MRPS9: variants seen among roughly 807,000 people sequenced by gnomAD.
MRPS9 encodes the protein small ribosomal subunit protein uS9m.
Under a neutral mutation model 59.9 loss-of-function variants are expected in MRPS9, and 45 were observed. The observed-to-expected ratio is 0.75, with a 90% CI of 0.59 to 0.96. The LOEUF (loss-of-function observed/expected upper bound fraction) is 0.96, where lower values mean the gene tolerates loss of function less well. MRPS9 is among the 40% of genes least tolerant of loss of function. The pLI is 0.00. For synonymous variants in MRPS9, 171 were observed against 166.8 expected, an observed-to-expected ratio of 1.03 and a Z score of -0.19; for missense variants, 473 against 481.1, an observed-to-expected ratio of 0.98 and a Z score of 0.16.
At chr2:105,038,351 G>C in intron 1 of MRPS9, 124 bp downstream of exon 1, 1 of 1,307,804 alleles carries the variant, frequency 7.6e-7, no homozygotes, top group East Asian at 2.5e-5. Context: ...TAGGTATTTA[G>C]TGGAGGTCTG....
At chr2:105,062,827 G>T (rs1462486716) in intron 2 of MRPS9, among the ~76,000 whole-genome samples, 1 of 152,206 alleles carries the variant, frequency 6.6e-6, no homozygotes, top group Non-Finnish European at 1.5e-5. Flanking sequence ...GAACAGCACA[G>T]ATTATATAGA....
intron 2 of MRPS9, among the ~76,000 whole-genome samples, chr2:105,070,604 A>G (rs1680094786): frequency 6.6e-6 from 1 of 152,188 alleles, no homozygotes; most frequent in African/African-American, 2.4e-5. Context: ...AAGACACTAT[A>G]AAAGGCTTAA....
chr2:105,052,013 G>A (rs1003329908), intron 2 of MRPS9, among the ~76,000 whole-genome samples: 9 of 152,020 alleles, frequency 5.9e-5, no homozygotes, highest in Non-Finnish European at 1.2e-4. Flanking sequence ...ATATATTTAC[G>A]AATCCCAAAG....
At chr2:105,046,526 C>T (rs1679599063) in intron 1 of MRPS9, among the ~76,000 whole-genome samples, 1 of 152,016 alleles carries the variant, frequency 6.6e-6, no homozygotes, top group Non-Finnish European at 1.5e-5. Context: ...ACAAAGCCAC[C>T]TGCCTCCTGG....
chr2:105,093,297 A>G (rs1465018205), intron 8 of MRPS9, among the ~76,000 whole-genome samples: 1 of 152,202 alleles, frequency 6.6e-6, no homozygotes, highest in African/African-American at 2.4e-5. Flanking sequence ...AAATCATTGT[A>G]GTGTTTCTAA....
intron 5 of MRPS9, 109 bp from the exon 6 acceptor site, chr2:105,088,875 G>T: frequency 1.7e-6 from 1 of 580,034 alleles, no homozygotes. Context: ...CTCTGAGGAG[G>T]AGGACACCTT....
Position 105,071,484 on chromosome 2 carries a change from A to G in MRPS9, c.404A>G (p.Gln135Arg). ...MKHPEQIFPR[Q>R]RAIQWGEDGR... is the part of the protein sequence containing the mutation. The stretch of plus-strand genomic sequence containing the variant: ...CATCCTGAACAGATTTTTCCAAGAC[A>G]AAGAGGTAAGTTTGTTCAAGAATGA... The change falls in exon 4 of 11, where the codon CAA (glutamine) becomes CGA (arginine). Residue 135 changes from glutamine (Q) to arginine (R), a missense_variant. Coordinates refer to ENST00000258455, the MANE Select transcript of MRPS9 (RefSeq NM_182640.3). 1 of 1,604,134 alleles carries G rather than the reference A, an allele frequency of 6.2e-7. No homozygotes were observed. The highest frequency in any genetic ancestry group is 8.5e-7 in the Non-Finnish European group (1 of 1,173,960).
At chr2:105,075,857 T>A (rs1220170419) in intron 4 of MRPS9, among the ~76,000 whole-genome samples, 4 of 152,162 alleles carry the variant, frequency 2.6e-5, no homozygotes, top group Non-Finnish European at 2.9e-5. Context: ...TTTCTTAGTT[T>A]GAGAAAGCAT....
chr2:105,073,550 G>C (rs916166044), intron 4 of MRPS9, among the ~76,000 whole-genome samples: 3 of 152,156 alleles, frequency 2.0e-5, no homozygotes, highest in Non-Finnish European at 4.4e-5. Context: ...GATTTGGATA[G>C]ATTTTGACAC....
At chr2:105,063,368 G>A (rs1679941561) in intron 2 of MRPS9, among the ~76,000 whole-genome samples, 1 of 152,206 alleles carries the variant, frequency 6.6e-6, no homozygotes, top group Admixed American at 6.5e-5. Context: ...ATGTATTTAT[G>A]TATTAACATG....
chr2:105,093,276 A>C (rs951897076), intron 8 of MRPS9, among the ~76,000 whole-genome samples: 2 of 152,190 alleles, frequency 1.3e-5, no homozygotes, highest in Admixed American at 1.3e-4. Context: ...TTGGTTGTTC[A>C]AACTAATTTA....
rs766323616 is a variant in MRPS9 at position 105,089,072 on chromosome 2, A to C, written c.575+3A>C. The C allele has an allele frequency of 6.2e-7, 1 of 1,602,568 alleles. No individual in the cohort carries two copies. Among genetic ancestry groups the C allele is most frequent in the Non-Finnish European group, 8.5e-7 (1 of 1,173,570 alleles). ...CTCCCAGAAAAAACTGTAACCAGGTAAGCTCTTTTCTTGCATTAAAATATA... is the reference window on the plus strand; with the variant it reads ...CTCCCAGAAAAAACTGTAACCAGGTCAGCTCTTTTCTTGCATTAAAATATA... On this transcript the variant is annotated splice_donor_region_variant and intron_variant, in intron 6 of 10. Transcript: ENST00000258455.
intron 4 of MRPS9, among the ~76,000 whole-genome samples, chr2:105,075,311 C>T (rs568125828): frequency 1.3e-5 from 2 of 152,266 alleles, no homozygotes; most frequent in South Asian, 2.1e-4. Context: ...GAAACACCCA[C>T]TCTGGTCCCA....
chr2:105,090,603 C>A (rs1482425454), intron 7 of MRPS9, among the ~76,000 whole-genome samples: 1 of 152,176 alleles, frequency 6.6e-6, no homozygotes, highest in South Asian at 2.1e-4. Context: ...GAATCTTATA[C>A]CCTATAAAGT....
chr2:105,048,163 A>C (rs540293584), intron 1 of MRPS9, among the ~76,000 whole-genome samples: 1 of 152,204 alleles, frequency 6.6e-6, no homozygotes, highest in African/African-American at 2.4e-5. Context: ...ATGGAATACT[A>C]TGCAGCCATA....
At chr2:105,086,686 T>C (rs1471944457) in intron 5 of MRPS9, among the ~76,000 whole-genome samples, 1 of 152,222 alleles carries the variant, frequency 6.6e-6, no homozygotes, top group Non-Finnish European at 1.5e-5. Context: ...AGACTTGCAC[T>C]CTCTGAACCT....
At chr2:105,084,137 A>G (rs930164466) in intron 5 of MRPS9, among the ~76,000 whole-genome samples, 3 of 152,168 alleles carry the variant, frequency 2.0e-5, no homozygotes, top group Middle Eastern at 6.9e-3. Flanking sequence ...AGCATTGTGT[A>G]GAAACTTCAT....
chr2:105,054,100 CACTA>C (rs1301853608), intron 2 of MRPS9, among the ~76,000 whole-genome samples: 7 of 152,230 alleles, frequency 4.6e-5, no homozygotes, highest in Non-Finnish European at 1.0e-4. Context: ...CTTGTGATGT[CACTA>C]ACTAGTGTCG....
At chr2:105,094,558 G>A (rs1165158113) in intron 9 of MRPS9, among the ~76,000 whole-genome samples, 1 of 152,168 alleles carries the variant, frequency 6.6e-6, no homozygotes, top group Non-Finnish European at 1.5e-5. Flanking sequence ...GGCAAAAGAG[G>A]ACCCTCCTAA....
Sources: allele counts gnomAD v4.1 joint callset (sites outside exome capture counted in the v4.1 genomes callset), GRCh38; gene constraint gnomAD v4.1.1; transcripts MANE v1.5; gene names NCBI Gene and HGNC (gene_info 2026-07-23, HGNC 2026-07-21).